Variants in IL1RL1 observed in about 807,000 individuals in gnomAD.
IL1RL1 encodes the protein interleukin-1 receptor-like 1.
IL1RL1 carries 32 observed loss-of-function variants against 50.9 expected under a neutral mutation model. The ratio of observed to expected loss-of-function variants is 0.63; its 90% confidence interval spans 0.47 to 0.84. The LOEUF is 0.84. IL1RL1 is among the 40% of genes least tolerant of loss of function. The pLI is 0.00. For missense variants in IL1RL1, 773 were observed against 662.9 expected, an observed-to-expected ratio of 1.17 and a Z score of -1.82; for synonymous variants, 275 against 236.0, an observed-to-expected ratio of 1.17 and a Z score of -1.51.
chr2:102,349,366 G>T, intron 10 of IL1RL1, 120 bp downstream of exon 10: 1 of 734,256 alleles, frequency 1.4e-6, no homozygotes, highest in Non-Finnish European at 2.3e-6. Flanking sequence ...CTTAAGACCA[G>T]AACTTTAAAT....
chr2:102,348,471 A>G (rs1365248823), intron 9 of IL1RL1, among the ~76,000 whole-genome samples: 1 of 152,186 alleles, frequency 6.6e-6, no homozygotes, highest in African/African-American at 2.4e-5. Context: ...CAGGTTAGAA[A>G]GGTCCATCGG....
chr2:102,349,025 A>C lies in IL1RL1; in HGVS notation c.1118-54A>C, dbSNP rs1310420612. On this transcript the variant is annotated intron_variant, in intron 9 of 10. Transcript: ENST00000233954. ...GGAGAGGAATGTCTTCAAAGAGTCC[A>C]GTGAGAATTTTTAGAATCAAGTAAG... 7.3e-6 allele frequency: 10 copies of C among 1,376,220 alleles called. No individual in the cohort carries two copies. In the African/African-American group the frequency reaches 1.0e-4, roughly 14 times the overall value. 85.3% of individuals were successfully genotyped at this position (1,376,220 alleles called of 1,614,324 possible). A position where few individuals can be genotyped will look rare whatever the true frequency, so the allele number is the denominator to read the frequency against.
rs775650722 is a variant in IL1RL1 at position 102,347,953 on chromosome 2, C to T, written c.979C>T (p.His327Tyr). Residue 327 changes from histidine (H) to tyrosine (Y), a missense_variant, in exon 9 of 11, where the codon CAT (histidine) becomes TAT (tyrosine). Coordinates refer to ENST00000233954, the MANE Select transcript of IL1RL1 (RefSeq NM_016232.5). ...RLSRKNPIDH[H>Y]SIYCIIAVCS... ...TTCTTTCTTTTGAATAGTTGATCAT[C>T]ATAGCATCTACTGCATAATTGCAGT... The T allele has an allele frequency of 6.7e-7, 1 of 1,500,774 alleles. No individual in the cohort carries two copies. Among genetic ancestry groups the T allele is most frequent in the South Asian group, 1.1e-5 (1 of 88,298 alleles). 93.0% of individuals were successfully genotyped at this position (1,500,774 alleles called of 1,614,324 possible).
chr2:102,314,020 C>T (rs867393811), intron 1 of IL1RL1, among the ~76,000 whole-genome samples: 53 of 152,288 alleles, frequency 3.5e-4, no homozygotes, highest in African/African-American at 1.2e-3. Context: ...GGCCTTGGCT[C>T]AGACACAGAG....
chr2:102,339,775 T>C (rs1677469633), intron 3 of IL1RL1, among the ~76,000 whole-genome samples: 1 of 152,246 alleles, frequency 6.6e-6, no homozygotes, highest in Admixed American at 6.5e-5. Flanking sequence ...GTGCTCATCA[T>C]CATCACTGGT....
chr2:102,327,127 A>G (rs1027164514), intron 1 of IL1RL1, among the ~76,000 whole-genome samples: 6 of 152,254 alleles, frequency 3.9e-5, no homozygotes, highest in Non-Finnish European at 7.3e-5. Context: ...CAGCAAATGT[A>G]AAAGAACAGA....
At chr2:102,335,696 G>A (rs780116361) in intron 1 of IL1RL1, among the ~76,000 whole-genome samples, 14 of 152,086 alleles carry the variant, frequency 9.2e-5, no homozygotes, top group East Asian at 1.9e-4. Context: ...TAATGCTTAC[G>A]TGGCCTAGTT....
At chr2:102,347,413 A>C (rs1311907781) in intron 8 of IL1RL1, among the ~76,000 whole-genome samples, 1 of 152,214 alleles carries the variant, frequency 6.6e-6, no homozygotes, top group Non-Finnish European at 1.5e-5. Flanking sequence ...TTGGGGTTTC[A>C]AGTCTGGACA....
chr2:102,327,312 C>A (rs1169129538), intron 1 of IL1RL1, among the ~76,000 whole-genome samples: 1 of 151,600 alleles, frequency 6.6e-6, no homozygotes, highest in Admixed American at 6.6e-5. Context: ...CCAACGAGAA[C>A]AAAGACACAA....
chr2:102,322,436 G>T (rs1179291090), intron 1 of IL1RL1, among the ~76,000 whole-genome samples: 2 of 152,150 alleles, frequency 1.3e-5, no homozygotes, highest in Non-Finnish European at 2.9e-5. Context: ...AGGACAACTT[G>T]TTCTATGAAT....
intron 10 of IL1RL1, among the ~76,000 whole-genome samples, chr2:102,350,891 G>T (rs1444827302): frequency 6.6e-6 from 1 of 152,196 alleles, no homozygotes; most frequent in Non-Finnish European, 1.5e-5. Context: ...TCCTGTTGCA[G>T]TGAGGACTGG....
At position 102,328,275 on chromosome 2, in the gene IL1RL1, T is replaced by C. The variant is rs553257695; in HGVS notation, c.-149-9841T>C. Among the ~76,000 whole-genome samples, 439 of 152,314 alleles carry C rather than the reference T, an allele frequency of 2.9e-3. 2 individuals are homozygous for C. Among genetic ancestry groups the C allele is most frequent in the Middle Eastern group, 0.01 (3 of 294 alleles). On this transcript the variant is annotated intron_variant, in intron 1 of 10. Transcript: ENST00000233954. ...AAAACCACATGATTATCTCAATAGA[T>C]GCAGAAAAGGCCTTTGACAAAATTC...
chr2:102,349,612 G>T (rs549280790), intron 10 of IL1RL1, among the ~76,000 whole-genome samples: 1 of 152,150 alleles, frequency 6.6e-6, no homozygotes, highest in Non-Finnish European at 1.5e-5. Context: ...GATGAGTTTT[G>T]TTCTGGTAGC....
intron 1 of IL1RL1, among the ~76,000 whole-genome samples, chr2:102,312,187 G>A (rs1676537462): frequency 7.2e-6 from 1 of 139,104 alleles, no homozygotes; most frequent in Non-Finnish European, 1.5e-5. Flanking sequence ...ACAATCTTCT[G>A]TTAAAAGAAA....
rs371207219 is a variant in IL1RL1, at chr2:102,340,192, T to A, written c.367T>A (p.Ser123Thr). 4.4e-6 allele frequency: 7 copies of A among 1,605,020 alleles called. No homozygotes were observed. The Admixed American group carries it at 8.7e-5, about 20-fold the overall frequency. ...VPDYLMYSTV[S>T]GSEKNSKIYC... ...AGATTATTTGATGTATTCAACAGTATCTGGATCAGAAAAAAATTCCAAAAT... is the reference window on the plus strand; with the variant it reads ...AGATTATTTGATGTATTCAACAGTAACTGGATCAGAAAAAAATTCCAAAAT... Residue 123 changes from serine to threonine, a missense_variant, in exon 4 of 11, where the codon TCT becomes ACT. Physicochemically the swap from Ser to Thr is moderately conservative, Grantham distance 58 (BLOSUM62 1). Coordinates refer to ENST00000233954, the MANE Select transcript of IL1RL1 (RefSeq NM_016232.5).
intron 1 of IL1RL1, among the ~76,000 whole-genome samples, chr2:102,322,538 C>T (rs13001301): frequency 0.083 from 12,658 of 152,202 alleles, 586 homozygotes; most frequent in Middle Eastern, 0.31. Flanking sequence ...GGACATTTAT[C>T]GTGTTGTGAC....
intron 10 of IL1RL1, 110 bp from the exon 11 acceptor site, chr2:102,351,426 G>A: frequency 1.0e-6 from 1 of 975,098 alleles, no homozygotes; most frequent in Non-Finnish European, 1.5e-6. Context: ...GTGACTTGAT[G>A]TCAGAGAATC....
intron 1 of IL1RL1, among the ~76,000 whole-genome samples, chr2:102,320,270 A>T (rs899842962): frequency 6.6e-6 from 1 of 152,150 alleles, no homozygotes; most frequent in East Asian, 1.9e-4. Flanking sequence ...GGGTCACTTC[A>T]TGCCAGATGC....
chr2:102,337,495 G>GA (rs1431929883), intron 1 of IL1RL1, among the ~76,000 whole-genome samples: 1 of 152,078 alleles, frequency 6.6e-6, no homozygotes, highest in Non-Finnish European at 1.5e-5. Context: ...TTTTCTGAAA[G>GA]AAAAAATTAA....
Sources: allele counts gnomAD v4.1 joint callset (sites outside exome capture counted in the v4.1 genomes callset), GRCh38; gene constraint gnomAD v4.1.1; transcripts MANE v1.5; gene names NCBI Gene and HGNC (gene_info 2026-07-23, HGNC 2026-07-21).